Variants in PLPPR1 observed in about 807,000 individuals in gnomAD.
PLPPR1 encodes phospholipid phosphatase related 1.
PLPPR1 carries 10 observed loss-of-function variants against 33.1 expected under a neutral mutation model. That is an observed-to-expected ratio of 0.30 (90% CI 0.19 to 0.51). PLPPR1 has a LOEUF of 0.51. PLPPR1 is among the 20% of genes least tolerant of loss of function. The pLI, the probability that PLPPR1 is intolerant of heterozygous loss-of-function variation, is 0.97. For missense variants in PLPPR1, 304 were observed against 408.1 expected, an observed-to-expected ratio of 0.74 and a Z score of 2.20; for synonymous variants, 151 against 151.0, an observed-to-expected ratio of 1.00 and a Z score of 0.00.
At chr9:101,178,648 A>G (rs1450721169) in intron 1 of PLPPR1, among the ~76,000 whole-genome samples, 4 of 152,196 alleles carry the variant, frequency 2.6e-5, no homozygotes, top group African/African-American at 7.2e-5. Context: ...TGAAGCAGCT[A>G]GAATGATAGA....
chr9:101,090,717 C>T lies in PLPPR1; in HGVS notation c.-46+61615C>T, dbSNP rs533348554. Among the ~76,000 whole-genome samples the T allele has an allele frequency of 3.9e-5, 3 of 76,060 alleles. No homozygotes were observed. The South Asian group carries it at 1.3e-3, about 32-fold the overall frequency. 49.9% of individuals were successfully genotyped at this position (76,060 alleles called of 152,430 possible). A position where few individuals can be genotyped will look rare whatever the true frequency, so the allele number is the denominator to read the frequency against. ...TGGACGACAGAGCAAGACTCTGTCTCAAAACAAACAAACAAACAAACAAAC... is the reference window on the plus strand; with the variant it reads ...TGGACGACAGAGCAAGACTCTGTCTTAAAACAAACAAACAAACAAACAAAC... On this transcript the variant is annotated intron_variant, in intron 1 of 7. Coordinates refer to ENST00000374874, the MANE Select transcript of PLPPR1 (RefSeq NM_207299.2).
At chr9:101,065,672 G>A (rs1276967767) in intron 1 of PLPPR1, among the ~76,000 whole-genome samples, 1 of 152,040 alleles carries the variant, frequency 6.6e-6, no homozygotes, top group Non-Finnish European at 1.5e-5. Context: ...CTCACAAACT[G>A]TTAGATTACT....
At chr9:101,305,972 T>A (rs1231902114) in intron 4 of PLPPR1, among the ~76,000 whole-genome samples, 5 of 152,194 alleles carry the variant, frequency 3.3e-5, no homozygotes, top group African/African-American at 9.7e-5. Flanking sequence ...TTCATCATCC[T>A]CTTTCTTTAT....
intron 2 of PLPPR1, among the ~76,000 whole-genome samples, chr9:101,238,400 T>A (rs1827377610): frequency 6.9e-6 from 1 of 145,278 alleles, no homozygotes; most frequent in African/African-American, 2.5e-5. Context: ...ATGATGGAAT[T>A]GTGTGTGTGT....
chr9:101,205,693 C>A (rs1826576227), intron 2 of PLPPR1, among the ~76,000 whole-genome samples: 1 of 152,148 alleles, frequency 6.6e-6, no homozygotes, highest in Non-Finnish European at 1.5e-5. Context: ...ACTGTTCAAT[C>A]AGATTTTATG....
At position 101,095,680 on chromosome 9, in the gene PLPPR1, C is replaced by G. The variant is rs539456534; in HGVS notation, c.-46+66578C>G. 4.6e-5 allele frequency among the ~76,000 whole-genome samples: 7 copies of G among 152,174 alleles called. No individual in the cohort carries two copies. In the South Asian group the frequency reaches 1.5e-3, roughly 32 times the overall value. ...TTTCTGAAATATTAAATGGTTTTCT[C>G]AAGGTCACAGAGTAAGTGGTGGAAC... is the stretch of plus-strand genomic sequence containing the variant. On this transcript the variant is annotated intron_variant, in intron 1 of 7. Coordinates refer to ENST00000374874, the MANE Select transcript of PLPPR1 (RefSeq NM_207299.2).
At chr9:101,226,910 G>T (rs1469978461) in intron 2 of PLPPR1, among the ~76,000 whole-genome samples, 1 of 152,114 alleles carries the variant, frequency 6.6e-6, no homozygotes, top group East Asian at 1.9e-4. Flanking sequence ...TCTATTAATG[G>T]AGACATATGT....
intron 2 of PLPPR1, among the ~76,000 whole-genome samples, chr9:101,239,601 G>A (rs1335537745): frequency 6.6e-6 from 1 of 151,766 alleles, no homozygotes; most frequent in African/African-American, 2.4e-5. Context: ...TTCATAATAG[G>A]CATTCTAACT....
chr9:101,187,328 A>C (rs1826221381), intron 2 of PLPPR1: 1 of 151,960 alleles, frequency 6.6e-6, no homozygotes, highest in South Asian at 2.1e-4. Flanking sequence ...TAGTCTCCGA[A>C]GATTTTCAGC....
chr9:101,071,885 C>T (rs899628681), intron 1 of PLPPR1, among the ~76,000 whole-genome samples: 2 of 152,006 alleles, frequency 1.3e-5, no homozygotes, highest in African/African-American at 4.8e-5. Context: ...AAATGGAAAT[C>T]GTAGAAAGCC....
intron 1 of PLPPR1, among the ~76,000 whole-genome samples, chr9:101,148,744 C>G (rs984953156): frequency 1.3e-5 from 2 of 152,074 alleles, no homozygotes; most frequent in African/African-American, 4.8e-5. Flanking sequence ...CTTTTGAAGC[C>G]CTCCACCCAG....
chr9:101,295,155 T>C (rs1236801355), intron 4 of PLPPR1, among the ~76,000 whole-genome samples: 3 of 151,258 alleles, frequency 2.0e-5, no homozygotes, highest in South Asian at 2.1e-4. Flanking sequence ...TATACACCAA[T>C]AACAGACAAA....
chr9:101,192,725 A>T (rs191207783), intron 2 of PLPPR1, among the ~76,000 whole-genome samples: 1 of 152,276 alleles, frequency 6.6e-6, no homozygotes, highest in Non-Finnish European at 1.5e-5. Flanking sequence ...GGGACTCTGC[A>T]TAGTTTAATC....
chr9:101,246,017 G>A (rs1451563139), intron 2 of PLPPR1, among the ~76,000 whole-genome samples: 1 of 142,322 alleles, frequency 7.0e-6, no homozygotes, highest in East Asian at 2.1e-4. Flanking sequence ...AGGGCTACTT[G>A]ACCATAATCT....
At chr9:101,033,851 A>T (rs1829977761) in intron 1 of PLPPR1, among the ~76,000 whole-genome samples, 1 of 152,198 alleles carries the variant, frequency 6.6e-6, no homozygotes, top group South Asian at 2.1e-4. Context: ...GCCCATTTTC[A>T]TAATTGTACA....
chr9:101,233,065 A>G (rs1376619389), intron 2 of PLPPR1, among the ~76,000 whole-genome samples: 2 of 152,028 alleles, frequency 1.3e-5, no homozygotes, highest in African/African-American at 2.4e-5. Flanking sequence ...CGTCTCATAC[A>G]TAGGACTAAT....
chr9:101,087,294 T>C (rs1000947684), intron 1 of PLPPR1, among the ~76,000 whole-genome samples: 3 of 152,214 alleles, frequency 2.0e-5, no homozygotes, highest in Non-Finnish European at 4.4e-5. Context: ...GACACTCTCT[T>C]CATTTAAGAA....
intron 3 of PLPPR1, among the ~76,000 whole-genome samples, chr9:101,285,791 G>A (rs965637425): frequency 2.6e-5 from 4 of 152,224 alleles, no homozygotes; most frequent in African/African-American, 9.6e-5. Context: ...TACTCACACA[G>A]AAAGTTAAAA....
chr9:101,095,041 G>A (rs1236727723), intron 1 of PLPPR1, among the ~76,000 whole-genome samples: 1 of 152,118 alleles, frequency 6.6e-6, no homozygotes, highest in Non-Finnish European at 1.5e-5. Context: ...CCCAGTGTAA[G>A]GTGTCTGAAT....
Sources: allele counts gnomAD v4.1 joint callset (sites outside exome capture counted in the v4.1 genomes callset), GRCh38; gene constraint gnomAD v4.1.1; transcripts MANE v1.5; gene names NCBI Gene and HGNC (gene_info 2026-07-23, HGNC 2026-07-21).